The following SMYD3 variants were observed in gnomAD, a reference collection of about 807,000 sequenced individuals.
SMYD3 encodes the protein SET and MYND domain containing 3, also known as histone-lysine N-methyltransferase SMYD3.
Under a neutral mutation model 57.7 loss-of-function variants are expected in SMYD3, and 36 were observed. The ratio of observed to expected loss-of-function variants is 0.62; its 90% CI spans 0.48 to 0.82. SMYD3 has a LOEUF of 0.82. Ranked by LOEUF, SMYD3 falls within the 40% of genes least tolerant of loss-of-function variation. SMYD3 has a pLI of 0.00. For missense variants in SMYD3, 515 were observed against 538.8 expected (o/e 0.96, Z 0.44); for synonymous variants, 211 against 195.0 (o/e 1.08, Z -0.68).
At chr1:246,358,833 C>T (rs1451634432) in intron 1 of SMYD3, among the ~76,000 whole-genome samples, 9 of 152,094 alleles carry the variant, frequency 5.9e-5, no homozygotes, top group Admixed American at 4.6e-4. Flanking sequence ...GCAGAAAGTT[C>T]GGAGCATTAA....
chr1:246,078,684 A>G (rs2060586955), intron 5 of SMYD3, among the ~76,000 whole-genome samples: 1 of 152,244 alleles, frequency 6.6e-6, no homozygotes, highest in South Asian at 2.1e-4. Flanking sequence ...AGGTTGATTC[A>G]GCGACCCATA....
intron 5 of SMYD3, among the ~76,000 whole-genome samples, chr1:246,233,888 C>A (rs1163867175): frequency 8.1e-6 from 1 of 123,596 alleles, no homozygotes. Flanking sequence ...CCTCAATTCA[C>A]ACTGTGATGA....
chr1:245,762,978 T>G (rs1358015244), intron 11 of SMYD3, among the ~76,000 whole-genome samples: 1 of 152,150 alleles, frequency 6.6e-6, no homozygotes, highest in Non-Finnish European at 1.5e-5. Context: ...GGTGAGCATG[T>G]GAGCTCTCCT....
chr1:246,266,316 T>C (rs944938850), intron 5 of SMYD3, among the ~76,000 whole-genome samples: 1 of 152,194 alleles, frequency 6.6e-6, no homozygotes, highest in Non-Finnish European at 1.5e-5. Flanking sequence ...TTTATATTCA[T>C]CCTACCAGGA....
intron 5 of SMYD3, among the ~76,000 whole-genome samples, chr1:246,016,602 A>AG (rs2059381290): frequency 6.6e-6 from 1 of 152,184 alleles, no homozygotes; most frequent in Non-Finnish European, 1.5e-5. Flanking sequence ...AGAAAAAAAA[A>AG]GAAAAAGAAA....
chr1:245,816,461 C>T (rs1452213327), intron 10 of SMYD3, among the ~76,000 whole-genome samples: 2 of 144,670 alleles, frequency 1.4e-5, no homozygotes, highest in South Asian at 2.2e-4. Flanking sequence ...ACTGCAAAAG[C>T]CAGCTACAAC....
chr1:246,273,541 T>A (rs1005336250), intron 5 of SMYD3, among the ~76,000 whole-genome samples: 37 of 151,676 alleles, frequency 2.4e-4, no homozygotes, highest in Non-Finnish European at 4.4e-4. Flanking sequence ...ATTTTGTTAA[T>A]CTTTTCAAGA....
chr1:246,225,321 CAAAAAAAAAA>C (rs60915002), intron 5 of SMYD3, among the ~76,000 whole-genome samples: 2,128 of 75,942 alleles, frequency 0.028, 9 homozygotes, highest in African/African-American at 0.04. Context: ...GCTGAAAAGT[CAAAAAAAAAA>C]AAAAAAAAAA....
At chr1:245,895,512 A>C (rs1017506181) in intron 8 of SMYD3, among the ~76,000 whole-genome samples, 8 of 151,956 alleles carry the variant, frequency 5.3e-5, no homozygotes, top group Non-Finnish European at 7.4e-5. Context: ...CAGCAGAAAA[A>C]ATCTTGGTTT....
chr1:246,486,042 A>G (rs975192936), intron 1 of SMYD3, among the ~76,000 whole-genome samples: 1 of 152,206 alleles, frequency 6.6e-6, no homozygotes, highest in Non-Finnish European at 1.5e-5. Flanking sequence ...ATACTGAGTA[A>G]AATGTATCAT....
chr1:246,392,241 T>A (rs2066584965), intron 1 of SMYD3, among the ~76,000 whole-genome samples: 1 of 152,022 alleles, frequency 6.6e-6, no homozygotes, highest in Non-Finnish European at 1.5e-5. Flanking sequence ...CCAAGGTTGG[T>A]GAAAATGGGA....
chr1:246,001,627 A>T (rs553694044), intron 5 of SMYD3, among the ~76,000 whole-genome samples: 1 of 152,344 alleles, frequency 6.6e-6, no homozygotes, highest in African/African-American at 2.4e-5. Flanking sequence ...ATAATCCTAT[A>T]CATAAATGAC....
At chr1:246,502,298 T>G (rs967549367) in intron 1 of SMYD3, among the ~76,000 whole-genome samples, 2 of 151,794 alleles carry the variant, frequency 1.3e-5, no homozygotes, top group African/African-American at 4.8e-5. Context: ...ACCCAGGTAA[T>G]TATTTGTATT....
intron 1 of SMYD3, among the ~76,000 whole-genome samples, chr1:246,380,412 T>C (rs935967565): frequency 1.3e-5 from 2 of 152,226 alleles, no homozygotes; most frequent in Non-Finnish European, 1.5e-5. Flanking sequence ...CTATAACATC[T>C]ATTTCCCCCC....
rs1004896422 is a variant in SMYD3 at position 246,467,733 on chromosome 1, A to C, written c.164+39321T>G. ...CTCAAACTATTCCAAAAAATGGAAGAGGAGGGAATACTTCCAAACTCATTC... is the reference window on the plus strand; with the variant it reads ...CTCAAACTATTCCAAAAAATGGAAGCGGAGGGAATACTTCCAAACTCATTC... On this transcript the variant is annotated intron_variant, in intron 1 of 11. Transcript: ENST00000490107. 3.3e-5 allele frequency among the ~76,000 whole-genome samples: 5 copies of C among 152,376 alleles called. No individual in the cohort carries two copies. The South Asian group carries it at 6.2e-4, about 19-fold the overall frequency.
At chr1:246,191,528 A>C (rs1261275876) in intron 5 of SMYD3, among the ~76,000 whole-genome samples, 1 of 152,332 alleles carries the variant, frequency 6.6e-6, no homozygotes, top group Non-Finnish European at 1.5e-5. Flanking sequence ...TTATAAATAA[A>C]TGTGAATATT....
At chr1:246,183,886 T>C (rs1434853451) in intron 5 of SMYD3, among the ~76,000 whole-genome samples, 1 of 152,192 alleles carries the variant, frequency 6.6e-6, no homozygotes, top group Non-Finnish European at 1.5e-5. Flanking sequence ...ACAGCAGTGT[T>C]TACACCTTCA....
chr1:245,881,387 A>G (rs2052769830), intron 8 of SMYD3, among the ~76,000 whole-genome samples: 1 of 152,218 alleles, frequency 6.6e-6, no homozygotes, highest in Admixed American at 6.5e-5. Context: ...CAGTATTACA[A>G]AGTGTTGGAG....
chr1:246,209,131 G>T (rs930973449), intron 5 of SMYD3, among the ~76,000 whole-genome samples: 3 of 152,018 alleles, frequency 2.0e-5, no homozygotes, highest in African/African-American at 7.3e-5. Context: ...TACTCATATT[G>T]GTAATGTCTT....
Sources: allele counts gnomAD v4.1 joint callset (sites outside exome capture counted in the v4.1 genomes callset), GRCh38; gene constraint gnomAD v4.1.1; transcripts MANE v1.5; gene names NCBI Gene and HGNC (gene_info 2026-07-23, HGNC 2026-07-21).